Variants in MED13L observed in about 807,000 individuals in gnomAD.
MED13L encodes mediator of RNA polymerase II transcription subunit 13-like.
MED13L carries 7 observed loss-of-function variants against 220.9 expected under a neutral mutation model. The observed-to-expected ratio is 0.03, with a 90% confidence interval of 0.02 to 0.06. MED13L has a LOEUF of 0.06. Ranked by LOEUF, MED13L falls within the 10% of genes least tolerant of loss-of-function variation. The pLI is 1.00. For missense variants in MED13L, 1,965 were observed against 2,760.5 expected (o/e 0.71, Z 6.46); for synonymous variants, 1,011 against 1,015.2 (o/e 1.00, Z 0.08).
chr12:116,018,101 CTTTA>C (rs1879839475), intron 7 of MED13L, among the ~76,000 whole-genome samples: 1 of 152,016 alleles, frequency 6.6e-6, no homozygotes, highest in Admixed American at 6.6e-5. Context: ...TTGTATATGA[CTTTA>C]TTGTTTACCA....
chr12:116,052,936 T>C (rs894561826), intron 4 of MED13L, among the ~76,000 whole-genome samples: 2 of 152,302 alleles, frequency 1.3e-5, no homozygotes, highest in East Asian at 3.9e-4. Flanking sequence ...GGGCAACATA[T>C]TAATAGTAAG....
chr12:116,074,342 C>T (rs987772451), intron 4 of MED13L, among the ~76,000 whole-genome samples: 1 of 152,184 alleles, frequency 6.6e-6, no homozygotes, highest in African/African-American at 2.4e-5. Context: ...TTGCAGTAAG[C>T]CAAGATCTTG....
At chr12:115,970,558 G>GT in intron 27 of MED13L, 36 bp downstream of exon 27, 1 of 1,603,026 alleles carries the variant, frequency 6.2e-7, no homozygotes, top group Non-Finnish European at 8.5e-7. Context: ...TGCCCTGCAT[G>GT]AAGGTGAGCA....
intron 1 of MED13L, chr12:116,276,668 G>C: frequency 8.4e-7 from 1 of 1,186,788 alleles, no homozygotes; most frequent in South Asian, 1.6e-5. Context: ...AGAGGTTGCC[G>C]ATCGGAGGCG....
intron 2 of MED13L, among the ~76,000 whole-genome samples, chr12:116,142,813 T>C (rs1400044487): frequency 6.6e-6 from 1 of 152,230 alleles, no homozygotes; most frequent in Non-Finnish European, 1.5e-5. Context: ...AAAAGCAATG[T>C]TAAGTCAAAT....
At chr12:116,156,047 A>T (rs1005160550) in intron 2 of MED13L, among the ~76,000 whole-genome samples, 9 of 152,022 alleles carry the variant, frequency 5.9e-5, no homozygotes, top group African/African-American at 2.2e-4. Flanking sequence ...TCTATAGACA[A>T]TTCACTCTAG....
chr12:116,031,851 T>C (rs918489632), intron 4 of MED13L, among the ~76,000 whole-genome samples: 3 of 151,550 alleles, frequency 2.0e-5, no homozygotes, highest in Non-Finnish European at 4.4e-5. Flanking sequence ...CTATCTTTAT[T>C]TGCAGATGGA....
At chr12:116,070,201 C>CA (rs1173586190) in intron 4 of MED13L, among the ~76,000 whole-genome samples, 36 of 152,192 alleles carry the variant, frequency 2.4e-4, no homozygotes, top group Admixed American at 2.4e-3. Context: ...AATCCCAACA[C>CA]ACATTTTGGA....
intron 1 of MED13L, chr12:116,276,716 GA>G (rs77147524): frequency 0.046 from 29,420 of 637,290 alleles, 472 homozygotes; most frequent in Middle Eastern, 0.063. Context: ...TTTACGGGGG[GA>G]AAAAAAGGGG....
chr12:116,241,940 GA>G (rs1281822509), intron 1 of MED13L, among the ~76,000 whole-genome samples: 1 of 148,982 alleles, frequency 6.7e-6, no homozygotes, highest in Non-Finnish European at 1.5e-5. Context: ...GTTTGTCCAA[GA>G]AAAAAAATTC....
At chr12:116,173,743 T>C (rs1007090465) in intron 2 of MED13L, among the ~76,000 whole-genome samples, 6 of 152,074 alleles carry the variant, frequency 3.9e-5, no homozygotes, top group African/African-American at 1.4e-4. Flanking sequence ...CAAAGGACTA[T>C]CCACATGAAA....
rs138814539 is a variant in MED13L at position 116,028,383 on chromosome 12, A to G, written c.480-5782T>C. The stretch of plus-strand genomic sequence containing the variant: ...AACCTTTACTCACCCCATTTATTTC[A>G]TATACTTTCATTAAAAATTTTAAGA... On this transcript the variant is annotated intron_variant, in intron 4 of 30. Transcript: ENST00000281928. Among the ~76,000 whole-genome samples the G allele has an allele frequency of 1.6e-3, 251 of 152,200 alleles. 1 individual carries two copies. Among genetic ancestry groups the G allele is most frequent in the African/African-American group, 5.5e-3 (230 of 41,524 alleles).
rs1872660770 is a variant in MED13L at position 116,096,616 on chromosome 12, C to A, written c.479+53G>T. 81 of 1,326,206 alleles carry A rather than the reference C, an allele frequency of 6.1e-5. 1 individual carries two copies. The South Asian group carries it at 9.4e-4, about 15-fold the overall frequency. The allele number at this position is 1,326,206 out of a possible 1,614,324, so 82.2% of individuals were successfully genotyped here. On this transcript the variant is annotated intron_variant, in intron 4 of 30. Coordinates refer to ENST00000281928, the MANE Select transcript of MED13L (RefSeq NM_015335.5). ...AATAAATAAATCAATAAGCTGTTCACCCACCCACAAGGCCAAAGAAACCAA... is the reference window on the plus strand; with the variant it reads ...AATAAATAAATCAATAAGCTGTTCAACCACCCACAAGGCCAAAGAAACCAA...
intron 2 of MED13L, among the ~76,000 whole-genome samples, chr12:116,163,470 T>C (rs1470857449): frequency 6.6e-6 from 1 of 151,914 alleles, no homozygotes; most frequent in Non-Finnish European, 1.5e-5. Flanking sequence ...ATTCAAGTGA[T>C]TCTCCTGCCT....
chr12:116,088,327 G>C (rs1166803389), intron 4 of MED13L, among the ~76,000 whole-genome samples: 2 of 152,180 alleles, frequency 1.3e-5, no homozygotes, highest in African/African-American at 4.8e-5. Flanking sequence ...GAGAATCAAA[G>C]ACACAAACTC....
intron 1 of MED13L, among the ~76,000 whole-genome samples, chr12:116,256,831 G>A (rs535887146): frequency 4.6e-5 from 7 of 151,772 alleles, no homozygotes; most frequent in East Asian, 1.9e-4. Flanking sequence ...GACTACAGAC[G>A]TGCGCCACCT....
At chr12:116,190,662 A>G (rs1264082099) in intron 2 of MED13L, among the ~76,000 whole-genome samples, 1 of 152,210 alleles carries the variant, frequency 6.6e-6, no homozygotes, top group Admixed American at 6.5e-5. Context: ...TCATGCTTTT[A>G]AAGGTTTACT....
chr12:115,961,607 C>A, intron 30 of MED13L: 1 of 666,606 alleles, frequency 1.5e-6, no homozygotes, highest in Non-Finnish European at 2.6e-6. Flanking sequence ...CCACACATGG[C>A]CATTGAGCTC....
intron 1 of MED13L, among the ~76,000 whole-genome samples, chr12:116,239,097 G>C (rs527987568): frequency 1.1e-4 from 17 of 152,186 alleles, no homozygotes; most frequent in Admixed American, 3.9e-4. Context: ...ACTCCAGCCA[G>C]GGTGACAGAG....
Sources: allele counts gnomAD v4.1 joint callset (sites outside exome capture counted in the v4.1 genomes callset), GRCh38; gene constraint gnomAD v4.1.1; transcripts MANE v1.5; gene names NCBI Gene and HGNC (gene_info 2026-07-23, HGNC 2026-07-21).